GABRB1: variants seen among roughly 807,000 people sequenced by gnomAD.
GABRB1 encodes gamma-aminobutyric acid receptor subunit beta-1.
Under a neutral mutation model 51.6 loss-of-function variants are expected in GABRB1, and 17 were observed. The ratio of observed to expected loss-of-function variants is 0.33; its 90% CI spans 0.23 to 0.49. The LOEUF (loss-of-function observed/expected upper bound fraction) is 0.49. GABRB1 is among the 20% of genes least tolerant of loss of function. The pLI is 0.99. For missense variants in GABRB1, 410 were observed against 600.6 expected, an observed-to-expected ratio of 0.68 and a Z score of 3.32; for synonymous variants, 247 against 218.9, an observed-to-expected ratio of 1.13 and a Z score of -1.14.
At chr4:47,330,216 G>T (rs1432852762) in intron 5 of GABRB1, among the ~76,000 whole-genome samples, 3 of 152,124 alleles carry the variant, frequency 2.0e-5, no homozygotes, top group Non-Finnish European at 4.4e-5. Context: ...CCCACGTTGT[G>T]GGGGGCAAGC....
At chr4:47,126,324 C>T (rs904819325) in intron 3 of GABRB1, among the ~76,000 whole-genome samples, 24 of 152,154 alleles carry the variant, frequency 1.6e-4, no homozygotes, top group African/African-American at 5.1e-4. Context: ...AAGATAAATG[C>T]GTTCTAAAGA....
chr4:47,146,006 T>G (rs1028153409), intron 3 of GABRB1, among the ~76,000 whole-genome samples: 2 of 152,008 alleles, frequency 1.3e-5, no homozygotes, highest in African/African-American at 2.4e-5. Context: ...TCTCCCACCT[T>G]CAGGATAGGG....
intron 4 of GABRB1, among the ~76,000 whole-genome samples, chr4:47,283,444 C>T (rs1723375312): frequency 7.8e-6 from 1 of 127,516 alleles, no homozygotes; most frequent in Non-Finnish European, 1.6e-5. Flanking sequence ...GGAATGCAGC[C>T]ACACGATCTC....
intron 8 of GABRB1, among the ~76,000 whole-genome samples, chr4:47,407,474 A>G (rs1028143039): frequency 3.3e-5 from 5 of 152,218 alleles, no homozygotes; most frequent in African/African-American, 9.6e-5. Context: ...TCATTGGTAC[A>G]TCTTATAACC....
At position 47,019,631 on chromosome 4, in the gene GABRB1, CTT is replaced by C. The variant is rs1560498134; in HGVS notation, c.-19-12281_-19-12280del. 9.6e-3 allele frequency among the ~76,000 whole-genome samples: 1,136 copies of C among 118,624 alleles called. 10 individuals are homozygous for C. Among genetic ancestry groups the C allele is most frequent in the Middle Eastern group, 0.027 (7 of 262 alleles). The allele number at this position is 118,624 out of a possible 152,430, so 77.8% of individuals were successfully genotyped here. The stretch of plus-strand genomic sequence containing the variant: ...CTTCTTTCTTTCTTTCTCTCTCTTT[CTT>C]TCTTTCTTTCTTTCTTTCTTTCTTT... On this transcript the variant is annotated intron_variant, in intron 1 of 3. Transcript: ENST00000513567.
chr4:47,390,312 G>A (rs907605013), intron 5 of GABRB1, among the ~76,000 whole-genome samples: 3 of 152,134 alleles, frequency 2.0e-5, no homozygotes, highest in African/African-American at 7.2e-5. Flanking sequence ...CTCCACAACA[G>A]GACATAAACT....
At chr4:47,103,053 G>A (rs192075740) in intron 3 of GABRB1, among the ~76,000 whole-genome samples, 6 of 152,130 alleles carry the variant, frequency 3.9e-5, no homozygotes, top group Admixed American at 3.9e-4. Flanking sequence ...ATGGAATGCA[G>A]AGGATGAGCA....
intron 4 of GABRB1, among the ~76,000 whole-genome samples, chr4:47,192,291 T>C (rs1398998344): frequency 1.3e-5 from 2 of 152,164 alleles, no homozygotes; most frequent in Admixed American, 1.3e-4. Flanking sequence ...CTGATGATTA[T>C]CCCAAATGAT....
chr4:47,256,811 C>T (rs1046437773), intron 4 of GABRB1, among the ~76,000 whole-genome samples: 3 of 152,280 alleles, frequency 2.0e-5, no homozygotes, highest in African/African-American at 7.2e-5. Context: ...CACCAGACCC[C>T]TCCTCCAACA....
At chr4:47,284,408 A>G (rs1056229110) in intron 4 of GABRB1, among the ~76,000 whole-genome samples, 1 of 152,162 alleles carries the variant, frequency 6.6e-6, no homozygotes, top group Admixed American at 6.5e-5. Context: ...TATAAACTTC[A>G]ATTTAGTGAT....
intron 3 of GABRB1, among the ~76,000 whole-genome samples, chr4:47,079,008 G>T (rs937324146): frequency 1.3e-5 from 2 of 152,180 alleles, no homozygotes; most frequent in South Asian, 2.1e-4. Context: ...GCTGGATTCG[G>T]TTTGCCAGTA....
chr4:47,256,844 A>G (rs1337700082), intron 4 of GABRB1, among the ~76,000 whole-genome samples: 1 of 152,192 alleles, frequency 6.6e-6, no homozygotes, highest in Non-Finnish European at 1.5e-5. Flanking sequence ...ATTCAACATT[A>G]GATTTGGACG....
rs796436779 is a variant in GABRB1 at position 47,350,286 on chromosome 4, TAG to T, written c.544+30092_544+30093del. On this transcript the variant is annotated intron_variant, in intron 5 of 8. Coordinates refer to ENST00000295454, the MANE Select transcript of GABRB1 (RefSeq NM_000812.4). Reference sequence around the variant, plus strand: ...TAATGTGTGTATATATATATATATATAGAGAGAGAGAGAGAGCTGGCTTTTCA... The same window carrying T: ...TAATGTGTGTATATATATATATATATAGAGAGAGAGAGAGCTGGCTTTTCA... Among the ~76,000 whole-genome samples, 98 of 139,944 alleles carry T rather than the reference TAG, an allele frequency of 7.0e-4. 2 individuals are homozygous for T. The highest frequency in any genetic ancestry group is 2.5e-3 in the African/African-American group (92 of 37,392). The allele number at this position is 139,944 out of a possible 152,430, so 91.8% of individuals were successfully genotyped here.
intron 3 of GABRB1, among the ~76,000 whole-genome samples, chr4:47,107,396 G>T (rs1323931499): frequency 6.6e-6 from 1 of 151,686 alleles, no homozygotes; most frequent in Non-Finnish European, 1.5e-5. Context: ...CTTTCCTCTG[G>T]ACAAATTCCA....
At chr4:47,326,902 T>C (rs755496318) in intron 5 of GABRB1, among the ~76,000 whole-genome samples, 1 of 152,184 alleles carries the variant, frequency 6.6e-6, no homozygotes, top group Non-Finnish European at 1.5e-5. Flanking sequence ...TTGTTGTTTC[T>C]TTCCCCCATA....
At chr4:47,033,907 A>G (rs1725444240) in intron 3 of GABRB1, among the ~76,000 whole-genome samples, 1 of 152,206 alleles carries the variant, frequency 6.6e-6, no homozygotes, top group African/African-American at 2.4e-5. Context: ...AAACTGACTT[A>G]TTATATTCTG....
chr4:47,196,744 A>C (rs1719700398), intron 4 of GABRB1, among the ~76,000 whole-genome samples: 1 of 152,270 alleles, frequency 6.6e-6, no homozygotes, highest in South Asian at 2.1e-4. Context: ...AACATTCATC[A>C]GCACAATGTT....
intron 3 of GABRB1, among the ~76,000 whole-genome samples, chr4:47,100,884 G>C (rs964133008): frequency 6.6e-6 from 1 of 151,886 alleles, no homozygotes; most frequent in African/African-American, 2.4e-5. Flanking sequence ...TATCCTGCAA[G>C]AGAAACCAGC....
chr4:47,381,086 C>T (rs1468132403), intron 5 of GABRB1, among the ~76,000 whole-genome samples: 1 of 152,136 alleles, frequency 6.6e-6, no homozygotes, highest in Admixed American at 6.5e-5. Context: ...GAAATGTGCC[C>T]TAGTCCTTGT....
Sources: allele counts gnomAD v4.1 joint callset (sites outside exome capture counted in the v4.1 genomes callset), GRCh38; gene constraint gnomAD v4.1.1; transcripts MANE v1.5; gene names NCBI Gene and HGNC (gene_info 2026-07-23, HGNC 2026-07-21).